Variants in NR4A3 observed in about 807,000 individuals in gnomAD.
NR4A3 encodes the protein nuclear receptor subfamily 4 group A member 3.
NR4A3 carries 13 observed loss-of-function variants against 55.6 expected under a neutral mutation model. That is an observed-to-expected ratio of 0.23 (90% CI 0.15 to 0.37). The LOEUF (loss-of-function observed/expected upper bound fraction) is 0.37, where lower values mean the gene tolerates loss of function less well. NR4A3 is among the 10% of genes least tolerant of loss of function. The probability of loss-of-function intolerance (pLI) is 1.00; values close to 1 mark genes in which losing one functional copy is unlikely to be tolerated. For missense variants in NR4A3, 646 were observed against 822.8 expected, an observed-to-expected ratio of 0.79 and a Z score of 2.63; for synonymous variants, 342 against 357.9, an observed-to-expected ratio of 0.96 and a Z score of 0.50.
chr9:99,861,512 G>A (rs533182492), intron 7 of NR4A3, among the ~76,000 whole-genome samples: 2 of 151,842 alleles, frequency 1.3e-5, no homozygotes, highest in South Asian at 4.1e-4. Flanking sequence ...ACTCTGTCAA[G>A]GAAGGAAGGA....
chr9:99,832,657 T>C (rs774048212), intron 3 of NR4A3, 32 bp from the exon 4 acceptor site: 1 of 1,516,022 alleles, frequency 6.6e-7, no homozygotes, highest in South Asian at 1.3e-5. Context: ...CCAGAAACTA[T>C]CAGTTGACTA....
At position 99,834,520 on chromosome 9, in the gene NR4A3, G is replaced by A. The variant is rs1827515499; in HGVS notation, c.1254+1066G>A. Among the ~76,000 whole-genome samples, 3 of 152,040 alleles carry A rather than the reference G, an allele frequency of 2.0e-5. No homozygotes were observed. The South Asian group carries it at 6.2e-4, about 32-fold the overall frequency. On this transcript the variant is annotated intron_variant, in intron 5 of 7. Transcript: ENST00000395097. Reference sequence around the variant, plus strand: ...ACAAAAACAAAAACAAAAAACCTTAGAAACACAGCTTGCACTCAGATAAAG... The same window carrying A: ...ACAAAAACAAAAACAAAAAACCTTAAAAACACAGCTTGCACTCAGATAAAG...
chr9:99,823,754 A>G (rs980114737), intron 1 of NR4A3, among the ~76,000 whole-genome samples: 9 of 126,490 alleles, frequency 7.1e-5, no homozygotes, highest in African/African-American at 1.5e-4. Context: ...CCCGGCACCC[A>G]TCCACCCCTT....
In NR4A3 at chr9:99,863,979, A is replaced by T; in HGVS notation, c.*112A>T. 2.4e-6 allele frequency: 3 copies of T among 1,261,544 alleles called. No individual in the cohort carries two copies. The highest frequency in any genetic ancestry group is 3.3e-6 in the Non-Finnish European group (3 of 916,040). The allele number at this position is 1,261,544 out of a possible 1,614,324, so 78.1% of individuals were successfully genotyped here. Reference sequence around the variant, plus strand: ...CCTGTCCTTCCTTAAGAGGAAAAGCAGCTCCTGTAGAAAGCAAAGACTTTC... The same window carrying T: ...CCTGTCCTTCCTTAAGAGGAAAAGCTGCTCCTGTAGAAAGCAAAGACTTTC... On this transcript the variant is annotated 3_prime_UTR_variant, in exon 8 of 8. Coordinates refer to ENST00000395097, the MANE Select transcript of NR4A3 (RefSeq NM_006981.4).
chr9:99,828,543 C>A lies in NR4A3; in HGVS notation c.501C>A (p.Ile167=). The A allele has an allele frequency of 6.5e-7, 1 of 1,549,100 alleles. No homozygotes were observed. Residue 167 remains isoleucine, a synonymous_variant, in exon 3 of 8, where the codon ATC becomes ATA. Coordinates refer to ENST00000395097, the MANE Select transcript of NR4A3 (RefSeq NM_006981.4). The surrounding 1 kb of genome is among the most constrained non-coding windows in gnomAD (Gnocchi z 7.7). ...DEALPSAPGC[I]APGPLLDPPM... Reference sequence around the variant, plus strand: ...CACTGCCCTCGGCGCCCGGCTGCATCGCACCCGGCCCGCTGCTGGACCCGC... The same window carrying A: ...CACTGCCCTCGGCGCCCGGCTGCATAGCACCCGGCCCGCTGCTGGACCCGC...
rs947856397 is a variant in NR4A3 at position 99,866,508 on chromosome 9, A to G, written c.*2641A>G. On this transcript the variant is annotated 3_prime_UTR_variant, in exon 8 of 8. Transcript: ENST00000395097. ...ATGATAGCATGTTCTTCTGTCTTCC[A>G]TAGTTATTACAACTATGAGAGCCTC... The G allele has an allele frequency of 1.3e-5, 3 of 228,696 alleles. No individual in the cohort carries two copies. The highest frequency in any genetic ancestry group is 4.4e-5 in the African/African-American group (2 of 45,092). The allele number at this position is 228,696 out of a possible 1,614,324, so 14.2% of individuals were successfully genotyped here. A position where few individuals can be genotyped will look rare whatever the true frequency, so the allele number is the denominator to read the frequency against.
intron 7 of NR4A3, among the ~76,000 whole-genome samples, chr9:99,855,751 G>A (rs1054948542): frequency 3.9e-5 from 6 of 152,172 alleles, no homozygotes; most frequent in African/African-American, 1.2e-4. Flanking sequence ...GTAGAGCTCC[G>A]AGTGGGGAGT....
In NR4A3 at chr9:99,833,452, A is replaced by G; in HGVS notation, c.1252A>G (p.Arg418Gly). 6.2e-6 allele frequency: 10 copies of G among 1,614,074 alleles called. No homozygotes were observed. Among genetic ancestry groups the G allele is most frequent in the Non-Finnish European group, 8.5e-6 (10 of 1,179,922 alleles). ...DSTPRDLDYSRYCPTDQAAAG... is the reference protein window; with the variant it reads ...DSTPRDLDYSGYCPTDQAAAG... ...AACACCCAGAGATCTTGATTATTCCAGAGTAAGTTTTATGATTTCCTGCTT... is the reference window on the plus strand; with the variant it reads ...AACACCCAGAGATCTTGATTATTCCGGAGTAAGTTTTATGATTTCCTGCTT... The change falls in exon 5 of 8, where the codon AGA becomes GGA. Residue 418 changes from arginine to glycine, a missense_variant and splice_region_variant. By Grantham distance (125) the Arg-to-Gly change is moderately radical. Transcript: ENST00000395097.
At chr9:99,837,892 C>T (rs1032051287) in intron 5 of NR4A3, among the ~76,000 whole-genome samples, 6 of 152,166 alleles carry the variant, frequency 3.9e-5, no homozygotes, top group African/African-American at 1.4e-4. Context: ...CAGTTTTCTC[C>T]ATTTGTGGGA....
intron 7 of NR4A3, among the ~76,000 whole-genome samples, chr9:99,853,570 T>C (rs1489903020): frequency 5.0e-5 from 3 of 60,194 alleles, no homozygotes; most frequent in African/African-American, 2.0e-4. Context: ...TGAGTGAGAA[T>C]ATGCGGTGTT....
chr9:99,830,889 C>A (rs1827426520), intron 3 of NR4A3, among the ~76,000 whole-genome samples: 1 of 152,104 alleles, frequency 6.6e-6, no homozygotes, highest in African/African-American at 2.4e-5. Context: ...CATTCTGAGT[C>A]CAGAAATGTC....
intron 5 of NR4A3, among the ~76,000 whole-genome samples, chr9:99,843,732 G>C (rs1827697678): frequency 6.7e-6 from 1 of 149,578 alleles, no homozygotes; most frequent in South Asian, 2.1e-4. Flanking sequence ...AATTCAGTAG[G>C]TCTGTGGTAG....
chr9:99,834,803 C>T (rs1446931431), intron 5 of NR4A3: 2 of 985,242 alleles, frequency 2.0e-6, no homozygotes, highest in Non-Finnish European at 2.4e-6. Context: ...GATAACAAAA[C>T]GTCATATGAG....
chr9:99,863,289 A>C (rs1828039649), intron 7 of NR4A3, among the ~76,000 whole-genome samples: 1 of 152,176 alleles, frequency 6.6e-6, no homozygotes, highest in Non-Finnish European at 1.5e-5. Flanking sequence ...TGTGCCAGGA[A>C]CTGTGCTTCC....
chr9:99,847,360 G>T, intron 6 of NR4A3, 77 bp from the exon 7 acceptor site: 2 of 1,390,318 alleles, frequency 1.4e-6, no homozygotes, highest in Non-Finnish European at 2.0e-6. Flanking sequence ...CTGTCTGTGT[G>T]CCTGTGTGTC....
At chr9:99,839,512 G>A (rs1022021943) in intron 5 of NR4A3, among the ~76,000 whole-genome samples, 1 of 152,116 alleles carries the variant, frequency 6.6e-6, no homozygotes, top group Admixed American at 6.5e-5. Context: ...TCTCATTTGG[G>A]GCCTGGGCTA....
At chr9:99,863,549 A>G in intron 7 of NR4A3, 71 bp from the exon 8 acceptor site, 1 of 1,533,390 alleles carries the variant, frequency 6.5e-7, no homozygotes, top group Non-Finnish European at 8.8e-7. Context: ...CACAGACCTC[A>G]ATTAGGGATT....
chr9:99,827,585 C>T (rs1368688779), intron 2 of NR4A3, among the ~76,000 whole-genome samples: 1 of 152,232 alleles, frequency 6.6e-6, no homozygotes, highest in Non-Finnish European at 1.5e-5. Context: ...TCTTGCCTAA[C>T]TCAGGTTTAC....
rs796227935 is a variant in NR4A3, at chr9:99,859,388, T to G, written c.1634-4232T>G. 6.6e-5 allele frequency among the ~76,000 whole-genome samples: 10 copies of G among 152,318 alleles called. No homozygotes were observed. The East Asian group carries it at 1.7e-3, about 26-fold the overall frequency. Reference sequence around the variant, plus strand: ...ATTACTAGGGAAGGACCCAGACACTTAGTGACTCCCTAGTGATTTGAAAAT... The same window carrying G: ...ATTACTAGGGAAGGACCCAGACACTGAGTGACTCCCTAGTGATTTGAAAAT... On this transcript the variant is annotated intron_variant, in intron 7 of 7. Coordinates refer to ENST00000395097, the MANE Select transcript of NR4A3 (RefSeq NM_006981.4).
Sources: allele counts gnomAD v4.1 joint callset (sites outside exome capture counted in the v4.1 genomes callset), GRCh38; gene constraint gnomAD v4.1.1; non-coding constraint Gnocchi (gnomAD v3.1); transcripts MANE v1.5; gene names NCBI Gene and HGNC (gene_info 2026-07-23, HGNC 2026-07-21).